CASK: variants seen among roughly 807,000 people sequenced by gnomAD.
The protein encoded by CASK is calcium/calmodulin dependent serine protein kinase.
CASK carries 4 observed loss-of-function variants against 82.9 expected under a neutral mutation model. That is an observed-to-expected ratio of 0.05 (90% CI 0.02 to 0.11). The LOEUF (loss-of-function observed/expected upper bound fraction) is 0.11, where lower values mean the gene tolerates loss of function less well. Among genes scored for constraint, CASK ranks in the 10% least tolerant of loss-of-function variants. CASK has a pLI of 1.00. For synonymous variants in CASK, 259 were observed against 253.5 expected (o/e 1.02, Z -0.20); for missense variants, 358 against 720.9 (o/e 0.50, Z 5.76).
At chrX:41,735,906 G>GT (rs1034080849) in intron 5 of CASK, among the ~76,000 whole-genome samples, 1 of 111,280 alleles carries the variant, frequency 9.0e-6, no homozygotes, top group Non-Finnish European at 1.9e-5. Flanking sequence ...GACCACTCTA[G>GT]TTTTTTCTGT....
chrX:41,898,066 T>A (rs772107852), intron 1 of CASK, among the ~76,000 whole-genome samples: 9 of 111,649 alleles, frequency 8.1e-5, no homozygotes, highest in African/African-American at 2.3e-4. Flanking sequence ...TCTTTACAGG[T>A]TTGACAGAAT....
intron 2 of CASK, among the ~76,000 whole-genome samples, chrX:41,791,699 G>A (rs1434444308): frequency 9.4e-6 from 1 of 106,724 alleles, no homozygotes; most frequent in Non-Finnish European, 1.9e-5. Flanking sequence ...TTCCAGCCAG[G>A]GCAACAAAGG....
At chrX:41,841,511 GTTT>G (rs1193063113) in intron 2 of CASK, among the ~76,000 whole-genome samples, 3 of 80,210 alleles carry the variant, frequency 3.7e-5, no homozygotes. Context: ...TTTCCTTTTT[GTTT>G]TTTTTTTTTT....
At chrX:41,763,404 G>A (rs1181019565) in intron 3 of CASK, among the ~76,000 whole-genome samples, 1 of 111,506 alleles carries the variant, frequency 9.0e-6, no homozygotes, top group Non-Finnish European at 1.9e-5. Flanking sequence ...ACTCATGTCT[G>A]TAATCCCAGC....
At chrX:41,828,920 G>T (rs755125825) in intron 2 of CASK, among the ~76,000 whole-genome samples, 6 of 112,094 alleles carry the variant, frequency 5.4e-5, no homozygotes, top group Admixed American at 1.9e-4. Context: ...TGGATTATTA[G>T]ATTTAAAGAT....
At position 41,520,314 on chromosome X, in the gene CASK, CTAGG is replaced by C. The variant is rs993236023; in HGVS notation, c.*102_*105del. The C allele has an allele frequency of 1.9e-6, 1 of 539,309 alleles. No homozygotes were observed. Among genetic ancestry groups the C allele is most frequent in the Admixed American group, 3.1e-5 (1 of 31,826 alleles). 44.4% of individuals were successfully genotyped at this position (539,309 alleles called of 1,213,427 possible). A position where few individuals can be genotyped will look rare whatever the true frequency, so the allele number is the denominator to read the frequency against. On this transcript the variant is annotated 3_prime_UTR_variant, in exon 27 of 27. Transcript: ENST00000378163. ...ATTATAAATGTAGGTCACACTACAA[CTAGG>C]TAGTCTCTAGGGACCATGACCTGCT...
At chrX:41,563,903 G>A (rs1015143586) in intron 16 of CASK, among the ~76,000 whole-genome samples, 2 of 111,337 alleles carry the variant, frequency 1.8e-5, no homozygotes, top group Non-Finnish European at 3.8e-5. Context: ...AAAATCTCTC[G>A]GAGAACTGAA....
intron 3 of CASK, among the ~76,000 whole-genome samples, chrX:41,775,122 C>T (rs1162908814): frequency 9.4e-5 from 10 of 106,483 alleles, no homozygotes; most frequent in Non-Finnish European, 1.6e-4. Context: ...AGAAAATTTT[C>T]GCAACCTACT....
chrX:41,692,120 A>G (rs542796667), intron 5 of CASK, among the ~76,000 whole-genome samples: 12 of 111,822 alleles, frequency 1.1e-4, no homozygotes, highest in Admixed American at 1.1e-3. Context: ...TGCAAGAATT[A>G]TGTAAAGGAA....
intron 6 of CASK, among the ~76,000 whole-genome samples, chrX:41,668,497 G>A (rs1008640467): frequency 6.3e-5 from 7 of 111,597 alleles, no homozygotes; most frequent in Non-Finnish European, 1.3e-4. Flanking sequence ...TTAAGGGTAG[G>A]AATAATTTTG....
At chrX:41,903,035 C>G (rs1164120406) in intron 1 of CASK, among the ~76,000 whole-genome samples, 1 of 112,140 alleles carries the variant, frequency 8.9e-6, no homozygotes, top group Non-Finnish European at 1.9e-5. Flanking sequence ...TAGAAGACCA[C>G]TTCCCTGTTA....
intron 2 of CASK, among the ~76,000 whole-genome samples, chrX:41,839,530 CTT>C (rs374371422): frequency 6.2e-5 from 6 of 96,647 alleles, no homozygotes; most frequent in African/African-American, 1.5e-4. Flanking sequence ...TTCTAGGAGT[CTT>C]TTTTTTTTTT....
At chrX:41,895,862 CT>C (rs1258905128) in intron 1 of CASK, among the ~76,000 whole-genome samples, 1 of 110,551 alleles carries the variant, frequency 9.0e-6, no homozygotes, top group East Asian at 2.8e-4. Context: ...GAAAATAATC[CT>C]TTTTTTTAAA....
intron 22 of CASK, among the ~76,000 whole-genome samples, chrX:41,542,257 C>G (rs1261884622): frequency 8.9e-6 from 1 of 112,466 alleles, no homozygotes; most frequent in Admixed American, 9.4e-5. Flanking sequence ...GCACAGTTCT[C>G]TGATAAGAGC....
chrX:41,644,637 G>A (rs1460234512), intron 8 of CASK, among the ~76,000 whole-genome samples: 1 of 112,229 alleles, frequency 8.9e-6, no homozygotes, highest in Non-Finnish European at 1.9e-5. Flanking sequence ...CTGACTGCTG[G>A]TGAGCCAGGC....
intron 3 of CASK, among the ~76,000 whole-genome samples, chrX:41,763,096 T>G (rs1421484559): frequency 9.0e-6 from 1 of 111,294 alleles, no homozygotes; most frequent in East Asian, 2.8e-4. Context: ...ATAGATACAT[T>G]CACTCATTCA....
intron 5 of CASK, among the ~76,000 whole-genome samples, chrX:41,705,435 G>A (rs1052592266): frequency 9.0e-6 from 1 of 111,278 alleles, no homozygotes; most frequent in African/African-American, 3.3e-5. Flanking sequence ...TGTGCCTGTA[G>A]TCCCAGCTAC....
chrX:41,558,523 C>T (rs919179478), intron 18 of CASK: 3 of 111,544 alleles, frequency 2.7e-5, no homozygotes, highest in Non-Finnish European at 5.6e-5. Context: ...ATAAGGACAT[C>T]TGTAACTCTG....
At chrX:41,721,491 T>C (rs1296771024) in intron 5 of CASK, among the ~76,000 whole-genome samples, 1 of 111,243 alleles carries the variant, frequency 9.0e-6, no homozygotes, top group Non-Finnish European at 1.9e-5. Flanking sequence ...TTCTGCTACC[T>C]CAAGTCTAGA....
Sources: allele counts gnomAD v4.1 joint callset (sites outside exome capture counted in the v4.1 genomes callset), GRCh38; gene constraint gnomAD v4.1.1; transcripts MANE v1.5; gene names NCBI Gene and HGNC (gene_info 2026-07-23, HGNC 2026-07-21).